The following KCNA7 variants were observed in gnomAD, a reference collection of about 807,000 sequenced individuals.
KCNA7 encodes potassium voltage-gated channel subfamily A member 7, also known as potassium channel, voltage gated shaker related subfamily A, member 7.
In KCNA7, 15 loss-of-function variants were observed where a neutral mutation model predicts 21.5. The ratio of observed to expected loss-of-function variants is 0.70; its 90% CI spans 0.47 to 1.07. KCNA7 has a LOEUF of 1.07. Ranked by LOEUF, KCNA7 falls within the 50% of genes least tolerant of loss-of-function variation. KCNA7 has a pLI of 0.00. For synonymous variants in KCNA7, 298 were observed against 291.0 expected (o/e 1.02, Z -0.24); for missense variants, 640 against 651.6 (o/e 0.98, Z 0.19).
chr19:49,072,127 G>A lies in KCNA7; in HGVS notation c.459C>T (p.Ile153=), dbSNP rs910093701. The A allele has an allele frequency of 3.4e-5, 55 of 1,612,474 alleles. No individual in the cohort carries two copies. Among genetic ancestry groups the A allele is most frequent in the Non-Finnish European group, 4.3e-5 (51 of 1,179,706 alleles). The change falls in exon 1 of 2, where the codon ATC becomes ATT. Residue 153 remains isoleucine, a synonymous_variant. Transcript: ENST00000221444. ...RVLAVVSVLV[I]LVSIVVFCLE... ...GGCAGAAGACGACGATGGAGACGAG[G>A]ATGACCAGCACGGAGACTACGGCGA... is the stretch of plus-strand genomic sequence containing the variant.
Position 49,070,756 on chromosome 19 carries a change from T to C in KCNA7, c.678A>G (p.Val226=). The C allele has an allele frequency of 6.2e-7, 1 of 1,614,144 alleles. No homozygotes were observed. Among genetic ancestry groups the C allele is most frequent in the Non-Finnish European group, 8.5e-7 (1 of 1,180,032 alleles). The change falls in exon 2 of 2, where the codon GTA becomes GTG. Residue 226 remains valine (V), a synonymous_variant. Transcript: ENST00000221444. The surrounding 1 kb of genome is among the most constrained non-coding windows in gnomAD (Gnocchi z 4.3). Reference sequence around the variant, plus strand: ...CCTTGCTTGGACAGACCAGGAGGCGTACCAGCAGCTCAAAGGAGAACCAAC... The same window carrying C: ...CCTTGCTTGGACAGACCAGGAGGCGCACCAGCAGCTCAAAGGAGAACCAAC... The part of the protein sequence containing the change: ...CICWFSFELL[V]RLLVCPSKAI...
chr19:49,072,351 G>T lies in KCNA7; in HGVS notation c.235C>A (p.Arg79=). 2 of 1,594,590 alleles carry T rather than the reference G, an allele frequency of 1.3e-6. No homozygotes were observed. Among genetic ancestry groups the T allele is most frequent in the Non-Finnish European group, 8.5e-7 (1 of 1,175,088 alleles). ...TCGAGCGGCACGTGCGCCGGCCGCC[G>T]CAGCCGCCCACCGGACTGGTAGTAG... is the stretch of plus-strand genomic sequence containing the variant. ...LYYYQSGGRL[R]RPAHVPLDVF... The change falls in exon 1 of 2, where the codon CGG becomes AGG. Residue 79 remains arginine, a synonymous_variant. Transcript: ENST00000221444.
rs745798209 is a variant in KCNA7 at position 49,070,754 on chromosome 19, C to T, written c.680G>A (p.Arg227His). ...ICWFSFELLV[R>H]LLVCPSKAIF... ...AGCCTTGCTTGGACAGACCAGGAGG[C>T]GTACCAGCAGCTCAAAGGAGAACCA... is the stretch of plus-strand genomic sequence containing the variant. Residue 227 changes from arginine (R) to histidine (H), a missense_variant, in exon 2 of 2, where the codon CGC becomes CAC. By Grantham distance (29) the Arg-to-His change is conservative (BLOSUM62 0). Coordinates refer to ENST00000221444, the MANE Select transcript of KCNA7 (RefSeq NM_031886.3). This position sits in a 1 kb window ranked among gnomAD's most constrained non-coding sequence, Gnocchi z 4.3. The T allele has an allele frequency of 3.7e-6, 6 of 1,614,022 alleles. No homozygotes were observed. The highest frequency in any genetic ancestry group is 5.1e-6 in the Non-Finnish European group (6 of 1,180,040).
At position 49,072,558 on chromosome 19, in the gene KCNA7, CGCACGGCGGCG is replaced by C; in HGVS notation, c.17_27del (p.Pro6ArgfsTer158). ...TTGAGCACCAGCCGCTCGCAGCAGC[CGCACGGCGGCG>C]GGCACCGCGGCTCCATGGCGCGCGC... On this transcript the variant is annotated frameshift_variant, in exon 1 of 2. Transcript: ENST00000221444. LOFTEE classifies it high-confidence loss of function. 7.3e-7 allele frequency: 1 copy of C among 1,360,780 alleles called. No individual in the cohort carries two copies. The highest frequency in any genetic ancestry group is 9.4e-7 in the Non-Finnish European group (1 of 1,062,976). 84.3% of individuals were successfully genotyped at this position (1,360,780 alleles called of 1,614,324 possible). A position where few individuals can be genotyped will look rare whatever the true frequency, so the allele number is the denominator to read the frequency against.
Position 49,072,473 on chromosome 19 carries a change from A to G in KCNA7, c.113T>C (p.Leu38Pro). ...GCCGCGGCGCGCTGGGTCCCCTAGC[A>G]GAGTGTCCGGGAAGCGGCCCAGCGT... ...ARTLGRFPDTLLGDPARRGRF... is the reference protein window; with the variant it reads ...ARTLGRFPDTPLGDPARRGRF... The change falls in exon 1 of 2, where the codon CTG (leucine) becomes CCG (proline). Residue 38 changes from leucine to proline, a missense_variant. Physicochemically the swap from Leu to Pro is moderately conservative, Grantham distance 98. Coordinates refer to ENST00000221444, the MANE Select transcript of KCNA7 (RefSeq NM_031886.3). 1 of 1,558,578 alleles carries G rather than the reference A, an allele frequency of 6.4e-7. No individual in the cohort carries two copies. The highest frequency in any genetic ancestry group is 8.6e-7 in the Non-Finnish European group (1 of 1,162,514).
Position 49,072,504 on chromosome 19 carries a change from C to T in KCNA7, c.82G>A (p.Ala28Thr). The T allele has an allele frequency of 6.7e-7, 1 of 1,489,648 alleles. No homozygotes were observed. The highest frequency in any genetic ancestry group is 8.8e-7 in the Non-Finnish European group (1 of 1,131,164). The allele number at this position is 1,489,648 out of a possible 1,614,324, so 92.3% of individuals were successfully genotyped here. The change falls in exon 1 of 2, where the codon GCG becomes ACG. Residue 28 changes from alanine to threonine, a missense_variant. Physicochemically the swap from Ala to Thr is moderately conservative, Grantham distance 58 (BLOSUM62 0). Coordinates refer to ENST00000221444, the MANE Select transcript of KCNA7 (RefSeq NM_031886.3). Reference protein sequence around the residue: ...NVAGLRFETRARTLGRFPDTL... With the variant: ...NVAGLRFETRTRTLGRFPDTL... ...TCCGGGAAGCGGCCCAGCGTGCGCG[C>T]CCGCGTCTCGAAGCGCAGCCCGGCC...
chr19:49,071,905 A>G, intron 1 of KCNA7, 126 bp downstream of exon 1: 1 of 190,288 alleles, frequency 5.3e-6, no homozygotes, highest in South Asian at 5.0e-5. Context: ...CCTCCCGCCC[A>G]CCCTGTCTTC....
At position 49,072,018 on chromosome 19, in the gene KCNA7, C is replaced by T; in HGVS notation, c.555+13G>A. ...CAAACCCCGCCCGTCTCCACCCACGCCCCGCCTCTCACCGGGCCGGCTGCG... is the reference window on the plus strand; with the variant it reads ...CAAACCCCGCCCGTCTCCACCCACGTCCCGCCTCTCACCGGGCCGGCTGCG... On this transcript the variant is annotated intron_variant, in intron 1 of 1. Transcript: ENST00000221444. 6.3e-7 allele frequency: 1 copy of T among 1,578,780 alleles called. No homozygotes were observed. Among genetic ancestry groups the T allele is most frequent in the Non-Finnish European group, 8.6e-7 (1 of 1,164,764 alleles).
At position 49,072,422 on chromosome 19, in the gene KCNA7, TCGCGGCGCGCGTCGTCGTAGAAGCGGC is replaced by T. The variant is rs757509490; in HGVS notation, c.137_163del (p.Gly46_Arg54del). On this transcript the variant is annotated inframe_deletion, in exon 1 of 2. Transcript: ENST00000221444. ...GGGCCGGTGCCGGTCGAAGAAATAC[TCGCGGCGCGCGTCGTCGTAGAAGCGGC>T]CGCGGCGCGCTGGGTCCCCTAGCAG... The T allele has an allele frequency of 1.3e-6, 2 of 1,578,916 alleles. No individual in the cohort carries two copies. The highest frequency in any genetic ancestry group is 1.1e-5 in the South Asian group (1 of 88,472).
rs1380160033 is a variant in KCNA7 at position 49,069,806 on chromosome 19, A to G, written c.*257T>C. 6 of 501,010 alleles carry G rather than the reference A, an allele frequency of 1.2e-5. No homozygotes were observed. Among genetic ancestry groups the G allele is most frequent in the Middle Eastern group, 1.0e-3 (2 of 1,946 alleles). 31.0% of individuals were successfully genotyped at this position (501,010 alleles called of 1,614,324 possible). On this transcript the variant is annotated 3_prime_UTR_variant, in exon 2 of 2. Coordinates refer to ENST00000221444, the MANE Select transcript of KCNA7 (RefSeq NM_031886.3). Reference sequence around the variant, plus strand: ...CAAAAGGCTCCATGAGCTTTGCACAACTCAGAGTAATATGAACCAATTGAG... The same window carrying G: ...CAAAAGGCTCCATGAGCTTTGCACAGCTCAGAGTAATATGAACCAATTGAG...
rs560619432 is a variant in KCNA7, at chr19:49,068,514, T to C, written c.*1549A>G. On this transcript the variant is annotated 3_prime_UTR_variant, in exon 2 of 2. Transcript: ENST00000221444. ...TTTTTGTAGAGATGGGGTCTCACCATGTTGCCCAGGCTGGTCTTGAACTCC... is the reference window on the plus strand; with the variant it reads ...TTTTTGTAGAGATGGGGTCTCACCACGTTGCCCAGGCTGGTCTTGAACTCC... The C allele has an allele frequency of 6.6e-6, 1 of 152,324 alleles. No individual in the cohort carries two copies. The highest frequency in any genetic ancestry group is 1.9e-4 in the East Asian group (1 of 5,188). The allele number at this position is 152,324 out of a possible 1,614,324, so 9.4% of individuals were successfully genotyped here.
At position 49,070,778 on chromosome 19, in the gene KCNA7, C is replaced by A; in HGVS notation, c.656G>T (p.Trp219Leu). Reference sequence around the variant, plus strand: ...GCGTACCAGCAGCTCAAAGGAGAACCAACAAATACACAGCGTCTCCACCAC... The same window carrying A: ...GCGTACCAGCAGCTCAAAGGAGAACAAACAAATACACAGCGTCTCCACCAC... Reference protein sequence around the residue: ...FFVVETLCICWFSFELLVRLL... With the variant: ...FFVVETLCICLFSFELLVRLL... The change falls in exon 2 of 2, where the codon TGG becomes TTG. Residue 219 changes from tryptophan (W) to leucine (L), a missense_variant. By Grantham distance (61) the Trp-to-Leu change is moderately conservative. Coordinates refer to ENST00000221444, the MANE Select transcript of KCNA7 (RefSeq NM_031886.3). This position sits in a 1 kb window ranked among gnomAD's most constrained non-coding sequence, Gnocchi z 4.3. 6.2e-7 allele frequency: 1 copy of A among 1,614,174 alleles called. No homozygotes were observed. Among genetic ancestry groups the A allele is most frequent in the Non-Finnish European group, 8.5e-7 (1 of 1,180,040 alleles).
Position 49,072,533 on chromosome 19 carries a change from T to C in KCNA7, c.53A>G (p.Asn18Ser). 1 of 1,441,634 alleles carries C rather than the reference T, an allele frequency of 6.9e-7. No homozygotes were observed. Among genetic ancestry groups the C allele is most frequent in the Non-Finnish European group, 9.0e-7 (1 of 1,105,108 alleles). The allele number at this position is 1,441,634 out of a possible 1,614,324, so 89.3% of individuals were successfully genotyped here. A position where few individuals can be genotyped will look rare whatever the true frequency, so the allele number is the denominator to read the frequency against. ...CGTCTCGAAGCGCAGCCCGGCCACGTTGAGCACCAGCCGCTCGCAGCAGCC... is the reference window on the plus strand; with the variant it reads ...CGTCTCGAAGCGCAGCCCGGCCACGCTGAGCACCAGCCGCTCGCAGCAGCC... ...PCGCCERLVLNVAGLRFETRA... is the reference protein window; with the variant it reads ...PCGCCERLVLSVAGLRFETRA... The change falls in exon 1 of 2, where the codon AAC becomes AGC. Residue 18 changes from asparagine to serine, a missense_variant. Coordinates refer to ENST00000221444, the MANE Select transcript of KCNA7 (RefSeq NM_031886.3).
At position 49,072,337 on chromosome 19, in the gene KCNA7, G is replaced by C. The variant is rs767833140; in HGVS notation, c.249C>G (p.His83Gln). Residue 83 changes from histidine (H) to glutamine (Q), a missense_variant, in exon 1 of 2, where the codon CAC becomes CAG. Coordinates refer to ENST00000221444, the MANE Select transcript of KCNA7 (RefSeq NM_031886.3). ...QSGGRLRRPA[H>Q]VPLDVFLEEV... ...CTTCCAGGAAGACGTCGAGCGGCAC[G>C]TGCGCCGGCCGCCGCAGCCGCCCAC... 6.3e-7 allele frequency: 1 copy of C among 1,592,676 alleles called. No homozygotes were observed. Among genetic ancestry groups the C allele is most frequent in the Non-Finnish European group, 8.5e-7 (1 of 1,174,150 alleles).
In KCNA7 at chr19:49,072,628, C is replaced by T. The variant is rs1478505776; in HGVS notation, c.-43G>A. The stretch of plus-strand genomic sequence containing the variant: ...CGACCCGCGAACCGACGTGTGGCCC[C>T]GACGCCCGGCCCCGGTGCGGCCCCG... On this transcript the variant is annotated 5_prime_UTR_variant, in exon 1 of 2. Coordinates refer to ENST00000221444, the MANE Select transcript of KCNA7 (RefSeq NM_031886.3). 22 of 1,106,526 alleles carry T rather than the reference C, an allele frequency of 2.0e-5. 1 individual carries two copies. Among genetic ancestry groups the T allele is most frequent in the Non-Finnish European group, 2.3e-5 (21 of 909,080 alleles). 68.5% of individuals were successfully genotyped at this position (1,106,526 alleles called of 1,614,324 possible). A position where few individuals can be genotyped will look rare whatever the true frequency, so the allele number is the denominator to read the frequency against.
Position 49,072,186 on chromosome 19 carries a change from C to A in KCNA7, c.400G>T (p.Glu134Ter). The change falls in exon 1 of 2, where the codon GAG becomes TAG. Residue 134 changes from glutamate to a stop codon, truncating the protein, a stop_gained. Coordinates refer to ENST00000221444, the MANE Select transcript of KCNA7 (RefSeq NM_031886.3). LOFTEE classifies it high-confidence loss of function. ...AFARQLWLLF[E>*]FPESSQAARV... is the part of the protein sequence containing the mutation. ...GCGGCCTGAGAGCTCTCGGGAAACT[C>A]GAAAAGCAGCCACAGCTGGCGGGCG... 6.2e-7 allele frequency: 1 copy of A among 1,611,312 alleles called. No individual in the cohort carries two copies. The highest frequency in any genetic ancestry group is 8.5e-7 in the Non-Finnish European group (1 of 1,179,416).
Position 49,070,565 on chromosome 19 carries a change from T to C in KCNA7, c.869A>G (p.Lys290Arg). The stretch of plus-strand genomic sequence containing the variant: ...CAGGCCCTTTGAGTGCCGGGACAGC[T>C]TGAAGATGCGGAAGACACGCACCAA... Reference protein sequence around the residue: ...IRLVRVFRIFKLSRHSKGLQI... With the variant: ...IRLVRVFRIFRLSRHSKGLQI... The change falls in exon 2 of 2, where the codon AAG becomes AGG. Residue 290 changes from lysine to arginine, a missense_variant. Physicochemically the swap from Lys to Arg is conservative, Grantham distance 26. Transcript: ENST00000221444. The surrounding 1 kb of genome is among the most constrained non-coding windows in gnomAD (Gnocchi z 4.3). 1 of 1,614,192 alleles carries C rather than the reference T, an allele frequency of 6.2e-7. No homozygotes were observed. The highest frequency in any genetic ancestry group is 1.1e-5 in the South Asian group (1 of 91,084).
In KCNA7 at chr19:49,072,242, G is replaced by T. The variant is rs573125069; in HGVS notation, c.344C>A (p.Pro115Gln). 4.3e-4 allele frequency: 683 copies of T among 1,590,278 alleles called. 6 individuals are homozygous for T. In the South Asian group the frequency reaches 6.2e-3, roughly 15 times the overall value. Residue 115 changes from proline to glutamine, a missense_variant, in exon 1 of 2, where the codon CCG becomes CAG. Coordinates refer to ENST00000221444, the MANE Select transcript of KCNA7 (RefSeq NM_031886.3). ...GCGGCGGGGCAGGGGGCGCTCGGGCGGCACCGGGCAGCCCTCGTCCTCGCG... is the reference window on the plus strand; with the variant it reads ...GCGGCGGGGCAGGGGGCGCTCGGGCTGCACCGGGCAGCCCTCGTCCTCGCG... ...RLREDEGCPV[P>Q]PERPLPRRAF... is the part of the protein sequence containing the mutation.
intron 1 of KCNA7, 87 bp downstream of exon 1, chr19:49,071,944 C>A: frequency 7.5e-7 from 1 of 1,329,522 alleles, no homozygotes; most frequent in South Asian, 1.3e-5. Flanking sequence ...AGCCCCTGGC[C>A]CCGCCTTATG....
Sources: allele counts gnomAD v4.1 joint callset, GRCh38; gene constraint gnomAD v4.1.1; non-coding constraint Gnocchi (gnomAD v3.1); transcripts MANE v1.5; gene names NCBI Gene and HGNC (gene_info 2026-07-23, HGNC 2026-07-21).